The following BICC1 variants were observed in gnomAD, a reference collection of about 807,000 sequenced individuals.
BICC1 encodes BicC family RNA binding protein 1.
Under a neutral mutation model 111.0 loss-of-function variants are expected in BICC1, and 43 were observed. The ratio of observed to expected loss-of-function variants is 0.39; its 90% CI spans 0.30 to 0.50. The LOEUF (loss-of-function observed/expected upper bound fraction) is 0.50, where lower values mean the gene tolerates loss of function less well. BICC1 is among the 20% of genes least tolerant of loss of function. The pLI is 0.88. For synonymous variants in BICC1, 467 were observed against 434.4 expected (o/e 1.07, Z -0.93); for missense variants, 1,091 against 1,203.2 (o/e 0.91, Z 1.38).
chr10:58,696,267 G>A (rs987554661), intron 2 of BICC1, among the ~76,000 whole-genome samples: 2 of 151,694 alleles, frequency 1.3e-5, no homozygotes, highest in East Asian at 1.9e-4. Flanking sequence ...TTCCAAAGCT[G>A]TTACATATCT....
intron 3 of BICC1, among the ~76,000 whole-genome samples, chr10:58,706,315 A>G (rs1412763212): frequency 6.6e-6 from 1 of 152,224 alleles, no homozygotes; most frequent in East Asian, 1.9e-4. Flanking sequence ...TGTTTTGCCA[A>G]ATAGAAGTCC....
rs1477708436 is a variant in BICC1 at position 58,829,823 on chromosome 10, ATAT to A, written c.*936_*938del. ...ATTTATATCAAACTTTTATTTTTAG[ATAT>A]TATAAGCATACAGTACATAATTGAT... is the stretch of plus-strand genomic sequence containing the variant. On this transcript the variant is annotated 3_prime_UTR_variant, in exon 21 of 21. Coordinates refer to ENST00000373886, the MANE Select transcript of BICC1 (RefSeq NM_001080512.3). The A allele has an allele frequency of 6.6e-6, 1 of 152,192 alleles. No homozygotes were observed. Among genetic ancestry groups the A allele is most frequent in the African/African-American group, 2.4e-5 (1 of 41,434 alleles). The allele number at this position is 152,192 out of a possible 1,614,324, so 9.4% of individuals were successfully genotyped here.
intron 19 of BICC1, among the ~76,000 whole-genome samples, chr10:58,818,843 T>G (rs1844174006): frequency 6.6e-6 from 1 of 152,170 alleles, no homozygotes; most frequent in African/African-American, 2.4e-5. Flanking sequence ...AGTATTTTAA[T>G]GTGTCCAGGC....
rs942607510 is a variant in BICC1 at position 58,698,854 on chromosome 10, G to A, written c.238-3220G>A. ...GAGATTGATAGAAGTTAAGTAATTC[G>A]CTCAACACAGCACCCCTAGAAAGCA... On this transcript the variant is annotated intron_variant, in intron 2 of 20. Coordinates refer to ENST00000373886, the MANE Select transcript of BICC1 (RefSeq NM_001080512.3). Among the ~76,000 whole-genome samples, 15 of 152,260 alleles carry A rather than the reference G, an allele frequency of 9.9e-5. No individual in the cohort carries two copies. In the South Asian group the frequency reaches 1.0e-3, roughly 11 times the overall value.
chr10:58,654,562 A>G (rs1470729594), intron 2 of BICC1, among the ~76,000 whole-genome samples: 1 of 75,472 alleles, frequency 1.3e-5, no homozygotes, highest in Admixed American at 1.7e-4. Context: ...GTTTGAGTTC[A>G]TTGTAGATTC....
At chr10:58,711,079 C>T (rs1240390441) in intron 3 of BICC1, among the ~76,000 whole-genome samples, 2 of 152,158 alleles carry the variant, frequency 1.3e-5, no homozygotes, top group South Asian at 2.1e-4. Flanking sequence ...AACTCCTGGG[C>T]TCAAGCTATC....
chr10:58,530,684 C>CAAAAAAAAAA (rs67946394), intron 1 of BICC1, among the ~76,000 whole-genome samples: 1 of 86,522 alleles, frequency 1.2e-5, no homozygotes. Context: ...ACTTTAAATG[C>CAAAAAAAAAA]AAAAAAAAAA....
intron 3 of BICC1, among the ~76,000 whole-genome samples, chr10:58,727,619 C>T (rs1269262571): frequency 6.6e-6 from 1 of 151,516 alleles, no homozygotes; most frequent in Non-Finnish European, 1.5e-5. Flanking sequence ...GGGGTGGGGG[C>T]GGTTCATACT....
chr10:58,695,206 A>G (rs1373803157), intron 2 of BICC1, among the ~76,000 whole-genome samples: 2 of 152,188 alleles, frequency 1.3e-5, no homozygotes, highest in Admixed American at 6.5e-5. Context: ...CTAATGTCTC[A>G]GCAAAATAAA....
chr10:58,605,202 C>A (rs193144839), intron 1 of BICC1, among the ~76,000 whole-genome samples: 2 of 152,112 alleles, frequency 1.3e-5, no homozygotes, highest in Non-Finnish European at 2.9e-5. Context: ...TATTAAAAAT[C>A]GTCACGTAAT....
intron 3 of BICC1, among the ~76,000 whole-genome samples, chr10:58,762,562 G>T (rs950548136): frequency 2.0e-5 from 3 of 151,984 alleles, no homozygotes; most frequent in Non-Finnish European, 4.4e-5. Flanking sequence ...TTATTAAGTG[G>T]CCAGCATTCA....
At chr10:58,715,510 G>T (rs1361431621) in intron 3 of BICC1, 7 of 1,161,890 alleles carry the variant, frequency 6.0e-6, no homozygotes, top group Non-Finnish European at 7.8e-6. Context: ...CATCTCTCTG[G>T]CCTGGTTTCC....
At chr10:58,619,198 T>G (rs1845717699) in intron 1 of BICC1, among the ~76,000 whole-genome samples, 1 of 152,224 alleles carries the variant, frequency 6.6e-6, no homozygotes, top group South Asian at 2.1e-4. Flanking sequence ...ATGAACACCT[T>G]TGCTAGGAGT....
At chr10:58,570,690 C>T (rs1437522252) in intron 1 of BICC1, among the ~76,000 whole-genome samples, 1 of 152,102 alleles carries the variant, frequency 6.6e-6, no homozygotes, top group African/African-American at 2.4e-5. Context: ...CAATTTGTGC[C>T]TAATTTGCAC....
intron 10 of BICC1, among the ~76,000 whole-genome samples, chr10:58,797,396 A>G (rs1261884669): frequency 2.0e-5 from 3 of 152,174 alleles, no homozygotes; most frequent in African/African-American, 7.2e-5. Flanking sequence ...TCTTGCTTTT[A>G]ACTTTTAAGA....
At chr10:58,553,238 A>G (rs1032534746) in intron 1 of BICC1, among the ~76,000 whole-genome samples, 1 of 152,166 alleles carries the variant, frequency 6.6e-6, no homozygotes, top group African/African-American at 2.4e-5. Context: ...CTTTAAGGTT[A>G]CCAATCAGCT....
At chr10:58,634,836 T>C (rs1837907756) in intron 2 of BICC1, among the ~76,000 whole-genome samples, 1 of 152,186 alleles carries the variant, frequency 6.6e-6, no homozygotes. Context: ...AACGTATTCT[T>C]ACAATAATCT....
intron 8 of BICC1, among the ~76,000 whole-genome samples, chr10:58,792,257 GAA>G (rs149636397): frequency 7.2e-6 from 1 of 139,540 alleles, no homozygotes; most frequent in Non-Finnish European, 1.6e-5. Context: ...GAGCATTAGA[GAA>G]AAAAAAAAAA....
rs185986923 is a variant in BICC1 at position 58,590,180 on chromosome 10, G to C, written c.191-30675G>C. ...GGACTTAGGGGAGTTTGATGGGACTGTTTTTATGAAGGAGAAATTTGTCTT... is the reference window on the plus strand; with the variant it reads ...GGACTTAGGGGAGTTTGATGGGACTCTTTTTATGAAGGAGAAATTTGTCTT... On this transcript the variant is annotated intron_variant, in intron 1 of 20. Transcript: ENST00000373886. Among the ~76,000 whole-genome samples the C allele has an allele frequency of 1.1e-3, 167 of 152,286 alleles. 1 individual carries two copies. Among genetic ancestry groups the C allele is most frequent in the Non-Finnish European group, 2.1e-3 (145 of 68,008 alleles).
Sources: allele counts gnomAD v4.1 joint callset (sites outside exome capture counted in the v4.1 genomes callset), GRCh38; gene constraint gnomAD v4.1.1; transcripts MANE v1.5; gene names NCBI Gene and HGNC (gene_info 2026-07-23, HGNC 2026-07-21).